Variants in PRKN observed in about 807,000 individuals in gnomAD.
PRKN encodes E3 ubiquitin-protein ligase parkin.
Under a neutral mutation model 59.5 loss-of-function variants are expected in PRKN, and 56 were observed. The observed-to-expected ratio is 0.94, with a 90% confidence interval of 0.76 to 1.18. The LOEUF (loss-of-function observed/expected upper bound fraction) is 1.18. Ranked by LOEUF, PRKN falls within the 50% of genes most tolerant of loss-of-function variation. The probability of loss-of-function intolerance (pLI) is 0.00; values close to 1 mark genes in which losing one functional copy is unlikely to be tolerated. For missense variants in PRKN, 657 were observed against 596.4 expected (o/e 1.10, Z -1.06); for synonymous variants, 250 against 222.1 (o/e 1.13, Z -1.12).
At position 162,170,340 on chromosome 6, in the gene PRKN, A is replaced by T. The variant is rs148694926; in HGVS notation, c.534+30791T>A. Among the ~76,000 whole-genome samples the T allele has an allele frequency of 2.1e-3, 325 of 152,306 alleles. 1 individual carries two copies. Among genetic ancestry groups the T allele is most frequent in the African/African-American group, 7.5e-3 (310 of 41,568 alleles). ...GAAAAGCTTCTTCCCACAGGCACTA[A>T]TTAAAAAGCAGGAAGTTCACTTGAG... On this transcript the variant is annotated intron_variant, in intron 4 of 11. Coordinates refer to ENST00000366898, the MANE Select transcript of PRKN (RefSeq NM_004562.3).
chr6:162,101,589 G>A (rs554172940), intron 4 of PRKN, among the ~76,000 whole-genome samples: 24 of 151,794 alleles, frequency 1.6e-4, no homozygotes, highest in South Asian at 6.3e-4. Context: ...GGAGAATGGC[G>A]TAAACCCGGG....
At chr6:161,382,592 C>T (rs530974313) in intron 10 of PRKN, among the ~76,000 whole-genome samples, 3 of 152,176 alleles carry the variant, frequency 2.0e-5, no homozygotes, top group South Asian at 2.1e-4. Flanking sequence ...AGGGGCAATA[C>T]GCGGAAGGAA....
intron 4 of PRKN, among the ~76,000 whole-genome samples, chr6:162,148,533 C>G (rs1198908066): frequency 6.6e-6 from 1 of 152,040 alleles, no homozygotes; most frequent in Non-Finnish European, 1.5e-5. Flanking sequence ...CTTAAAAGGT[C>G]CTATGCAGGT....
At chr6:161,793,041 G>C (rs1790700543) in intron 6 of PRKN, among the ~76,000 whole-genome samples, 1 of 152,214 alleles carries the variant, frequency 6.6e-6, no homozygotes, top group African/African-American at 2.4e-5. Context: ...AACAATGCCA[G>C]AGAGAGCATT....
Position 161,614,515 on chromosome 6 carries a change from A to G in PRKN, c.872-45099T>C, listed in dbSNP as rs116947337. ...ATGTATGCCATCAGAAGGCTATGGT[A>G]ATATCTATTTAGAAGTGCACCACCG... On this transcript the variant is annotated intron_variant, in intron 7 of 11. Coordinates refer to ENST00000366898, the MANE Select transcript of PRKN (RefSeq NM_004562.3). Among the ~76,000 whole-genome samples the G allele has an allele frequency of 5.6e-4, 86 of 152,338 alleles. No homozygotes were observed. In the East Asian group the frequency reaches 0.016, roughly 28 times the overall value.
Position 162,234,943 on chromosome 6 carries a change from A to C in PRKN, c.412+27582T>G, listed in dbSNP as rs1001281371. ...GGTAAGTGATATTAATGTCCCTTCCAGTTCCAAGTGCAGTTTAGTGCTTTG... is the reference window on the plus strand; with the variant it reads ...GGTAAGTGATATTAATGTCCCTTCCCGTTCCAAGTGCAGTTTAGTGCTTTG... On this transcript the variant is annotated intron_variant, in intron 3 of 11. Coordinates refer to ENST00000366898, the MANE Select transcript of PRKN (RefSeq NM_004562.3). Among the ~76,000 whole-genome samples the C allele has an allele frequency of 2.6e-5, 4 of 152,352 alleles. No homozygotes were observed. The East Asian group carries it at 5.8e-4, about 22-fold the overall frequency.
chr6:161,521,137 A>G (rs1164706392), intron 9 of PRKN, among the ~76,000 whole-genome samples: 1 of 152,176 alleles, frequency 6.6e-6, no homozygotes, highest in African/African-American at 2.4e-5. Context: ...ATTATTAGAC[A>G]GTGTCAGAGT....
intron 5 of PRKN, among the ~76,000 whole-genome samples, chr6:162,037,450 C>T (rs1783890701): frequency 6.6e-6 from 1 of 151,996 alleles, no homozygotes; most frequent in Non-Finnish European, 1.5e-5. Context: ...TACACACACA[C>T]ACACGCACAT....
intron 7 of PRKN, among the ~76,000 whole-genome samples, chr6:161,703,121 T>C (rs1786323792): frequency 6.6e-6 from 1 of 150,490 alleles, no homozygotes; most frequent in Non-Finnish European, 1.5e-5. Flanking sequence ...CTTGGCAAAC[T>C]AGTGAGACCT....
rs1786952802 is a variant in PRKN at position 161,400,002 on chromosome 6, T to C, written c.1084-13125A>G. ...ATTTTATATTCATTTTTACTAAGCT[T>C]TTGGAATCGGGTCTGCTTTTACTCT... On this transcript the variant is annotated intron_variant, in intron 9 of 11. Transcript: ENST00000366898. The surrounding 1 kb of genome is among the most constrained non-coding windows in gnomAD (Gnocchi z 4.2). Among the ~76,000 whole-genome samples the C allele has an allele frequency of 6.6e-6, 1 of 152,168 alleles. No individual in the cohort carries two copies. The highest frequency in any genetic ancestry group is 2.1e-4 in the South Asian group (1 of 4,828).
At chr6:161,565,160 G>A (rs1780593327) in intron 8 of PRKN, among the ~76,000 whole-genome samples, 1 of 151,988 alleles carries the variant, frequency 6.6e-6, no homozygotes, top group African/African-American at 2.4e-5. Flanking sequence ...AACACTGTAA[G>A]ATGAGATCCA....
At chr6:162,337,088 A>G (rs1033479191) in intron 2 of PRKN, among the ~76,000 whole-genome samples, 3 of 152,202 alleles carry the variant, frequency 2.0e-5, no homozygotes, top group African/African-American at 7.2e-5. Context: ...TTGTGACTAC[A>G]AATATTGAAT....
chr6:161,874,735 C>CTATATATAAAATATATAA (rs1275149992), intron 6 of PRKN, among the ~76,000 whole-genome samples: 248 of 47,726 alleles, frequency 5.2e-3, no homozygotes, highest in Non-Finnish European at 8.3e-3. Context: ...ATAAAATGTA[C>CTATATATAAAATATATAA]TATATATAAA....
intron 7 of PRKN, among the ~76,000 whole-genome samples, chr6:161,598,392 T>C (rs1781991373): frequency 6.6e-6 from 1 of 152,200 alleles, no homozygotes; most frequent in Non-Finnish European, 1.5e-5. Context: ...ATGTTAATTA[T>C]AAGAGAGAGA....
At chr6:161,847,255 C>A (rs1269101890) in intron 6 of PRKN, among the ~76,000 whole-genome samples, 1 of 151,762 alleles carries the variant, frequency 6.6e-6, no homozygotes, top group East Asian at 1.9e-4. Flanking sequence ...TTGCAGTGAG[C>A]GGAGATGGCG....
intron 2 of PRKN, among the ~76,000 whole-genome samples, chr6:162,362,793 C>T (rs1369597037): frequency 6.6e-6 from 1 of 152,014 alleles, no homozygotes; most frequent in Non-Finnish European, 1.5e-5. Flanking sequence ...CTTTATTTCA[C>T]AAAAAGTTAT....
At chr6:162,125,839 C>T (rs1781102645) in intron 4 of PRKN, among the ~76,000 whole-genome samples, 1 of 152,142 alleles carries the variant, frequency 6.6e-6, no homozygotes, top group African/African-American at 2.4e-5. Flanking sequence ...ATGGCTAAGA[C>T]ATGTCTTGTC....
At chr6:161,856,304 G>A (rs1240761997) in intron 6 of PRKN, among the ~76,000 whole-genome samples, 3 of 152,088 alleles carry the variant, frequency 2.0e-5, no homozygotes, top group South Asian at 2.1e-4. Flanking sequence ...AGGTTGCAGC[G>A]AGCCGAGATT....
chr6:162,424,821 G>A (rs1789148906), intron 2 of PRKN, among the ~76,000 whole-genome samples: 1 of 151,956 alleles, frequency 6.6e-6, no homozygotes, highest in African/African-American at 2.4e-5. Flanking sequence ...TTGTGTGTAA[G>A]TAAGGGAATG....
Sources: gnomAD v4.1 joint callset for allele counts (sites outside exome capture counted in the v4.1 genomes callset) on GRCh38, gnomAD v4.1.1 for gene constraint, Gnocchi (gnomAD v3.1) non-coding constraint, MANE v1.5 for transcripts, NCBI Gene and HGNC (gene_info 2026-07-23, HGNC 2026-07-21) for gene names.